The following ZNF521 variants were observed in gnomAD, a reference collection of about 807,000 sequenced individuals.
ZNF521 encodes LYST-interacting protein 3.
In ZNF521, 14 loss-of-function variants were observed where a neutral mutation model predicts 105.5. That is an observed-to-expected ratio of 0.13 (90% CI 0.09 to 0.21). The LOEUF is 0.21. Ranked by LOEUF, ZNF521 falls within the 10% of genes least tolerant of loss-of-function variation. The pLI is 1.00. For missense variants in ZNF521, 1,233 were observed against 1,629.7 expected (o/e 0.76, Z 4.19); for synonymous variants, 635 against 606.0 (o/e 1.05, Z -0.70).
intron 7 of ZNF521, among the ~76,000 whole-genome samples, chr18:25,063,871 C>T (rs149422350): frequency 6.6e-4 from 100 of 152,292 alleles, no homozygotes; most frequent in African/African-American, 2.4e-3. Context: ...CAAAATATCA[C>T]CACTTCCATC....
chr18:25,186,612 G>C (rs1387047395), intron 5 of ZNF521, among the ~76,000 whole-genome samples: 1 of 152,098 alleles, frequency 6.6e-6, no homozygotes, highest in Admixed American at 6.5e-5. Flanking sequence ...AAGTTCAGTG[G>C]CCTCTGTTTA....
In ZNF521 at chr18:25,190,775, A is replaced by T. The variant is rs751782719; in HGVS notation, c.3658+4385T>A. Among the ~76,000 whole-genome samples, 163 of 152,326 alleles carry T rather than the reference A, an allele frequency of 1.1e-3. 4 individuals carry two copies. The highest frequency in any genetic ancestry group is 3.4e-3 in the Middle Eastern group (1 of 292). On this transcript the variant is annotated intron_variant, in intron 5 of 7. Coordinates refer to ENST00000361524, the MANE Select transcript of ZNF521 (RefSeq NM_015461.3). ...AATTTCACCACACTGTTAAGAACGG[A>T]TTTACTCATTCTTTATGCCTTGACA...
At chr18:25,215,097 G>A (rs1237530520) in intron 4 of ZNF521, among the ~76,000 whole-genome samples, 1 of 152,136 alleles carries the variant, frequency 6.6e-6, no homozygotes, top group African/African-American at 2.4e-5. Flanking sequence ...AACAGAAGTT[G>A]AGAATTGAAA....
chr18:25,158,620 AG>A (rs2035192590), intron 5 of ZNF521, among the ~76,000 whole-genome samples: 1 of 152,164 alleles, frequency 6.6e-6, no homozygotes, highest in Non-Finnish European at 1.5e-5. Context: ...TAAAGAACAC[AG>A]GGAAGGAAGA....
intron 3 of ZNF521, among the ~76,000 whole-genome samples, chr18:25,241,581 G>C (rs1323795392): frequency 1.3e-5 from 2 of 152,054 alleles, no homozygotes; most frequent in Non-Finnish European, 2.9e-5. Context: ...GGACACCTTT[G>C]AATGTAAACT....
chr18:25,344,220 G>T (rs1195313956), intron 2 of ZNF521, among the ~76,000 whole-genome samples: 1 of 83,900 alleles, frequency 1.2e-5, no homozygotes. Flanking sequence ...AAAAAAAAAA[G>T]CTGCGATTCT....
intron 5 of ZNF521, among the ~76,000 whole-genome samples, chr18:25,173,318 T>G (rs764464852): frequency 4.6e-5 from 7 of 152,196 alleles, no homozygotes; most frequent in Non-Finnish European, 8.8e-5. Flanking sequence ...CACTTCCTGA[T>G]TATCCTCACA....
In ZNF521 at chr18:25,230,123, G is replaced by C. The variant is rs374159727; in HGVS notation, c.221-2426C>G. Among the ~76,000 whole-genome samples the C allele has an allele frequency of 7.2e-5, 11 of 152,272 alleles. 1 individual carries two copies. The highest frequency in any genetic ancestry group is 2.6e-4 in the African/African-American group (11 of 41,556). On this transcript the variant is annotated intron_variant, in intron 3 of 7. Transcript: ENST00000361524. ...TCAAGGTTTTAACCAGGATTCAAGA[G>C]AGCAGAAACCTTTTCTTTCTTCTCT...
At chr18:25,328,250 G>A (rs76749188) in intron 2 of ZNF521, among the ~76,000 whole-genome samples, 600 of 152,222 alleles carry the variant, frequency 3.9e-3, no homozygotes, top group Middle Eastern at 6.8e-3. Flanking sequence ...TGTTCTACAG[G>A]TCTATCACGG....
At chr18:25,243,091 G>A (rs1907457975) in intron 3 of ZNF521, among the ~76,000 whole-genome samples, 1 of 152,102 alleles carries the variant, frequency 6.6e-6, no homozygotes, top group Non-Finnish European at 1.5e-5. Context: ...ATTTTGAGGA[G>A]ATCACCTGTA....
chr18:25,067,152 C>T (rs1388770100), intron 7 of ZNF521, among the ~76,000 whole-genome samples: 1 of 151,880 alleles, frequency 6.6e-6, no homozygotes, highest in Non-Finnish European at 1.5e-5. Context: ...AACCATTAAT[C>T]CCAGTTATGA....
chr18:25,338,762 C>G (rs1172968020), intron 2 of ZNF521, among the ~76,000 whole-genome samples: 2 of 152,264 alleles, frequency 1.3e-5, no homozygotes, highest in East Asian at 3.9e-4. Flanking sequence ...TGCACTATCA[C>G]AGTTTAGTAT....
chr18:25,349,950 G>A (rs1434591546), intron 2 of ZNF521, among the ~76,000 whole-genome samples: 2 of 151,424 alleles, frequency 1.3e-5, no homozygotes, highest in Non-Finnish European at 3.0e-5. Context: ...CCCGCTCTCC[G>A]CCTCGGAGCG....
At chr18:25,312,272 A>G (rs796565923) in intron 3 of ZNF521, among the ~76,000 whole-genome samples, 4 of 152,308 alleles carry the variant, frequency 2.6e-5, no homozygotes, top group African/African-American at 9.6e-5. Flanking sequence ...TCCCAATTAC[A>G]ATACCCACAA....
At chr18:25,232,478 G>C (rs755692819) in intron 3 of ZNF521, among the ~76,000 whole-genome samples, 1 of 152,126 alleles carries the variant, frequency 6.6e-6, no homozygotes, top group Non-Finnish European at 1.5e-5. Flanking sequence ...TGCAATCTCA[G>C]GAATATTAAT....
At chr18:25,120,604 CACAAACAA>C (rs71167849) in intron 5 of ZNF521, among the ~76,000 whole-genome samples, 2,401 of 137,978 alleles carry the variant, frequency 0.017, 69 homozygotes, top group African/African-American at 0.066. Context: ...AAAAAAAAAC[CACAAACAA>C]ACAAACAAAC....
chr18:25,243,359 C>T (rs796867515), intron 3 of ZNF521, among the ~76,000 whole-genome samples: 30 of 152,248 alleles, frequency 2.0e-4, no homozygotes, highest in African/African-American at 7.2e-4. Context: ...AACTTCATTC[C>T]CTCAGGGTTA....
At chr18:25,348,276 C>A (rs1233693661) in intron 2 of ZNF521, among the ~76,000 whole-genome samples, 1 of 152,090 alleles carries the variant, frequency 6.6e-6, no homozygotes, top group South Asian at 2.1e-4. Context: ...ATACTCAGAA[C>A]ACTCCTACAA....
chr18:25,275,597 C>T (rs1909978666), intron 3 of ZNF521, among the ~76,000 whole-genome samples: 1 of 152,250 alleles, frequency 6.6e-6, no homozygotes, highest in Non-Finnish European at 1.5e-5. Flanking sequence ...ATTACCCACA[C>T]TGTATCCACA....
Sources: allele counts gnomAD v4.1 joint callset (sites outside exome capture counted in the v4.1 genomes callset), GRCh38; gene constraint gnomAD v4.1.1; transcripts MANE v1.5; gene names NCBI Gene and HGNC (gene_info 2026-07-23, HGNC 2026-07-21).